MYO9A: variants seen among roughly 807,000 people sequenced by gnomAD.
The protein encoded by MYO9A is unconventional myosin-IXa.
Under a neutral mutation model 293.3 loss-of-function variants are expected in MYO9A, and 103 were observed. The ratio of observed to expected loss-of-function variants is 0.35; its 90% CI spans 0.30 to 0.41. The LOEUF is 0.41. MYO9A is among the 10% of genes least tolerant of loss of function. The probability of loss-of-function intolerance (pLI) is 1.00; values close to 1 mark genes in which losing one functional copy is unlikely to be tolerated. For missense variants in MYO9A, 2,685 were observed against 3,033.0 expected (o/e 0.89, Z 2.69); for synonymous variants, 1,001 against 1,035.7 (o/e 0.97, Z 0.64).
At chr15:71,843,793 G>C (rs910490141) in intron 39 of MYO9A, among the ~76,000 whole-genome samples, 3 of 152,132 alleles carry the variant, frequency 2.0e-5, no homozygotes. Flanking sequence ...TTCTTATTGA[G>C]AACCTTGAAG....
intron 39 of MYO9A, among the ~76,000 whole-genome samples, chr15:71,832,209 G>C (rs893834713): frequency 9.8e-5 from 15 of 152,322 alleles, no homozygotes; most frequent in African/African-American, 3.4e-4. Context: ...TCGAGAGGCA[G>C]AGGTTGCAGT....
In MYO9A at chr15:71,901,415, G is replaced by C. The variant is rs557551185; in HGVS notation, c.3001-75C>G. ...ATTTATTTCATGAATCATCCTTTCT[G>C]TGATAAGCTTTTAGAGAAGAACAAA... On this transcript the variant is annotated intron_variant, in intron 22 of 41. Coordinates refer to ENST00000356056, the MANE Select transcript of MYO9A (RefSeq NM_006901.4). The C allele has an allele frequency of 2.8e-6, 4 of 1,439,200 alleles. No individual in the cohort carries two copies. The South Asian group carries it at 5.5e-5, about 20-fold the overall frequency. The allele number at this position is 1,439,200 out of a possible 1,614,324, so 89.2% of individuals were successfully genotyped here. A position where few individuals can be genotyped will look rare whatever the true frequency, so the allele number is the denominator to read the frequency against.
intron 1 of MYO9A, among the ~76,000 whole-genome samples, chr15:72,097,565 TG>T (rs1324839617): frequency 6.6e-6 from 1 of 152,224 alleles, no homozygotes; most frequent in Non-Finnish European, 1.5e-5. Context: ...TTTATTGCAG[TG>T]GTCTGAAACT....
At chr15:72,076,040 A>C (rs983474804) in intron 1 of MYO9A, among the ~76,000 whole-genome samples, 5 of 152,174 alleles carry the variant, frequency 3.3e-5, no homozygotes, top group Admixed American at 2.6e-4. Flanking sequence ...GTGGTGGCTC[A>C]TGTCTGTAAT....
chr15:71,882,311 T>C (rs1002054011), intron 28 of MYO9A, among the ~76,000 whole-genome samples: 11 of 152,326 alleles, frequency 7.2e-5, no homozygotes, highest in African/African-American at 2.4e-4. Context: ...AGCTAAAAAC[T>C]CTCAGGCATA....
chr15:71,850,788 A>G (rs1338650597), intron 37 of MYO9A, among the ~76,000 whole-genome samples: 20 of 147,844 alleles, frequency 1.4e-4, no homozygotes, highest in East Asian at 3.9e-4. Context: ...AAAAAAAAAA[A>G]AAAAAAAAAA....
At chr15:71,998,546 CTTTCT>C (rs1392801062) in intron 9 of MYO9A, among the ~76,000 whole-genome samples, 23 of 109,114 alleles carry the variant, frequency 2.1e-4, no homozygotes, top group African/African-American at 6.3e-4. Flanking sequence ...AAAGATTTGG[CTTTCT>C]TTTTTTTTTT....
At chr15:72,089,839 A>G (rs1236689293) in intron 1 of MYO9A, among the ~76,000 whole-genome samples, 1 of 152,210 alleles carries the variant, frequency 6.6e-6, no homozygotes, top group Non-Finnish European at 1.5e-5. Context: ...ACCACTTACT[A>G]AAAAGTTCAA....
intron 27 of MYO9A, among the ~76,000 whole-genome samples, chr15:71,886,849 C>T (rs909152226): frequency 1.3e-5 from 2 of 152,086 alleles, no homozygotes; most frequent in Admixed American, 1.3e-4. Flanking sequence ...TCTACTGTGT[C>T]ACATCTTATT....
At chr15:71,929,028 C>G (rs1001301605) in intron 18 of MYO9A, among the ~76,000 whole-genome samples, 2 of 151,498 alleles carry the variant, frequency 1.3e-5, no homozygotes, top group African/African-American at 4.9e-5. Context: ...TACAATCATG[C>G]CACTGCACTT....
At position 71,878,091 on chromosome 15, in the gene MYO9A, A is replaced by G. The variant is rs1280908554; in HGVS notation, c.5880T>C (p.Phe1960=). The change falls in exon 31 of 42, where the codon TTT becomes TTC. Residue 1960 remains phenylalanine (F), a synonymous_variant. Transcript: ENST00000356056. ...VRVWVNTFKV[F]LDEYMNEFKT... is the part of the protein sequence containing the mutation. ...TGAATTCATTCATATATTCATCTAA[A>G]AACACTTTAAAAGTGTTGACCCAAA... is the stretch of plus-strand genomic sequence containing the variant. 6.2e-7 allele frequency: 1 copy of G among 1,610,696 alleles called. No individual in the cohort carries two copies. The highest frequency in any genetic ancestry group is 1.3e-5 in the African/African-American group (1 of 74,652).
At position 71,852,324 on chromosome 15, in the gene MYO9A, T is replaced by A. The variant is rs553976495; in HGVS notation, c.6347-64A>T. 4 of 1,441,870 alleles carry A rather than the reference T, an allele frequency of 2.8e-6. No individual in the cohort carries two copies. In the East Asian group the frequency reaches 7.1e-5, roughly 26 times the overall value. The allele number at this position is 1,441,870 out of a possible 1,614,324, so 89.3% of individuals were successfully genotyped here. On this transcript the variant is annotated intron_variant, in intron 35 of 41. Transcript: ENST00000356056. ...ATGCAAAGAGATTCAAATAATTCAC[T>A]TTAGAAACTATCATCATTAAAGGAA... is the stretch of plus-strand genomic sequence containing the variant.
At chr15:72,016,241 G>C (rs952889204) in intron 6 of MYO9A, among the ~76,000 whole-genome samples, 1 of 151,852 alleles carries the variant, frequency 6.6e-6, no homozygotes, top group Admixed American at 6.6e-5. Context: ...ATTTACGGAA[G>C]AGAAAATAGA....
chr15:71,947,263 C>T (rs976129918), intron 15 of MYO9A, among the ~76,000 whole-genome samples: 2 of 131,066 alleles, frequency 1.5e-5, no homozygotes, highest in Non-Finnish European at 3.1e-5. Context: ...GCCTGTGTGA[C>T]AAGCCAGACT....
chr15:71,973,195 T>C (rs749425534), intron 12 of MYO9A, among the ~76,000 whole-genome samples: 9 of 151,924 alleles, frequency 5.9e-5, no homozygotes, highest in South Asian at 2.1e-4. Flanking sequence ...ACCAAGAAGG[T>C]AGTCAATGTG....
At chr15:71,957,303 TTTGA>T (rs1460712949) in intron 14 of MYO9A, among the ~76,000 whole-genome samples, 1 of 152,152 alleles carries the variant, frequency 6.6e-6, no homozygotes, top group Non-Finnish European at 1.5e-5. Context: ...ACTGGGAGCC[TTTGA>T]TTAAATTCCA....
chr15:72,092,942 C>CAG (rs1491484909), intron 1 of MYO9A, among the ~76,000 whole-genome samples: 73 of 150,688 alleles, frequency 4.8e-4, no homozygotes, highest in East Asian at 5.8e-4. Context: ...CACACACACA[C>CAG]AGAGATTTGA....
rs1310459352 is a variant in MYO9A, at chr15:71,958,614, C to T, written c.2182+1287G>A. On this transcript the variant is annotated intron_variant, in intron 14 of 41. Coordinates refer to ENST00000356056, the MANE Select transcript of MYO9A (RefSeq NM_006901.4). ...GGTGGTAGTTCCAGGGTTGTGTTTA[C>T]TTTGTGGTACTCCACTGAACTATAC... 3 of 152,016 alleles carry T rather than the reference C, an allele frequency of 2.0e-5. No individual in the cohort carries two copies. The East Asian group carries it at 5.8e-4, about 29-fold the overall frequency. 9.4% of individuals were successfully genotyped at this position (152,016 alleles called of 1,614,324 possible). A position where few individuals can be genotyped will look rare whatever the true frequency, so the allele number is the denominator to read the frequency against.
intron 1 of MYO9A, among the ~76,000 whole-genome samples, chr15:72,091,672 A>G (rs1178464024): frequency 6.6e-6 from 1 of 152,062 alleles, no homozygotes; most frequent in African/African-American, 2.4e-5. Flanking sequence ...ACTACAACTA[A>G]GATTTTTAAA....
Sources: allele counts gnomAD v4.1 joint callset (sites outside exome capture counted in the v4.1 genomes callset), GRCh38; gene constraint gnomAD v4.1.1; transcripts MANE v1.5; gene names NCBI Gene and HGNC (gene_info 2026-07-23, HGNC 2026-07-21).